Variants in ZMYM4 observed in about 807,000 individuals in gnomAD.
The protein encoded by ZMYM4 is zinc finger MYM-type protein 4.
A neutral mutation model predicts 183.2 loss-of-function variants in ZMYM4; 31 were observed. The observed-to-expected ratio is 0.17, with a 90% confidence interval of 0.13 to 0.23. The LOEUF (loss-of-function observed/expected upper bound fraction) is 0.23, where lower values mean the gene tolerates loss of function less well. Ranked by LOEUF, ZMYM4 falls within the 10% of genes least tolerant of loss-of-function variation. ZMYM4 has a pLI of 1.00. For synonymous variants in ZMYM4, 592 were observed against 631.2 expected (o/e 0.94, Z 0.93); for missense variants, 1,273 against 1,840.3 (o/e 0.69, Z 5.64).
At chr1:35,271,605 G>T (rs2148661589) in intron 1 of ZMYM4, among the ~76,000 whole-genome samples, 1 of 152,294 alleles carries the variant, frequency 6.6e-6, no homozygotes, top group African/African-American at 2.4e-5. Flanking sequence ...ATTTTGCCAT[G>T]TTGGCCAGGC....
chr1:35,318,082 A>G (rs504788), intron 1 of ZMYM4, among the ~76,000 whole-genome samples: 139,856 of 141,086 alleles, frequency 0.99, 69,334 homozygotes, highest in Non-Finnish European at 1. Flanking sequence ...TTTTTGAGAC[A>G]GAGTCTCACT....
At chr1:35,328,214 G>A (rs1332604929) in intron 2 of ZMYM4, among the ~76,000 whole-genome samples, 1 of 152,074 alleles carries the variant, frequency 6.6e-6, no homozygotes, top group Non-Finnish European at 1.5e-5. Flanking sequence ...TCTGGTACGT[G>A]GTGTTTCTCT....
intron 1 of ZMYM4, among the ~76,000 whole-genome samples, chr1:35,321,925 A>C (rs1368993391): frequency 6.6e-6 from 1 of 151,986 alleles, no homozygotes; most frequent in African/African-American, 2.4e-5. Context: ...GCCATATCAT[A>C]TGTATACAGA....
chr1:35,380,337 TA>T (rs1275741040), intron 7 of ZMYM4, among the ~76,000 whole-genome samples: 2 of 151,856 alleles, frequency 1.3e-5, no homozygotes, highest in African/African-American at 4.8e-5. Flanking sequence ...TTTATTTATT[TA>T]TTTTTTTGAG....
In ZMYM4 at chr1:35,388,977, T is replaced by C. The variant is rs61751000; in HGVS notation, c.2331T>C (p.Tyr777=). 0.017 allele frequency: 27,248 copies of C among 1,614,108 alleles called. 286 individuals are homozygous for C. Among genetic ancestry groups the C allele is most frequent in the Non-Finnish European group, 0.02 (24,072 of 1,179,988 alleles). Residue 777 remains tyrosine, a synonymous_variant, in exon 14 of 30, where the codon TAT becomes TAC. Transcript: ENST00000314607. ...GAAATCACTGTAAAATGTGCAGTTA[T>C]TGTTTACAGACATCTCCCAAATTGG... ...RWGNHCKMCS[Y]CLQTSPKLVQ...
intron 1 of ZMYM4, among the ~76,000 whole-genome samples, chr1:35,286,908 C>T (rs2148705606): frequency 6.8e-6 from 1 of 147,718 alleles, no homozygotes; most frequent in Non-Finnish European, 1.5e-5. Context: ...AGGTGTGAAC[C>T]ACCCTGCCTG....
At position 35,268,754 on chromosome 1, in the gene ZMYM4, G is replaced by T. The variant is rs1160234264; in HGVS notation, c.-293G>T. ...AAACCGCAGGCGGAGGAATTTCTCTGAGAGAAAATAATCCTACTCACGGGG... is the reference window on the plus strand; with the variant it reads ...AAACCGCAGGCGGAGGAATTTCTCTTAGAGAAAATAATCCTACTCACGGGG... On this transcript the variant is annotated 5_prime_UTR_variant, in exon 1 of 30. Coordinates refer to ENST00000314607, the MANE Select transcript of ZMYM4 (RefSeq NM_005095.3). 6.6e-6 allele frequency among the ~76,000 whole-genome samples: 1 copy of T among 152,342 alleles called. No individual in the cohort carries two copies. The highest frequency in any genetic ancestry group is 1.9e-4 in the East Asian group (1 of 5,174).
chr1:35,345,286 G>T (rs1359004078), intron 2 of ZMYM4, among the ~76,000 whole-genome samples: 1 of 152,140 alleles, frequency 6.6e-6, no homozygotes, highest in Admixed American at 6.6e-5. Context: ...TTTTTGTAAA[G>T]TTGTTAATCA....
intron 9 of ZMYM4, 21 bp from the exon 10 acceptor site, chr1:35,385,421 G>T: frequency 6.3e-7 from 1 of 1,592,378 alleles, no homozygotes; most frequent in Non-Finnish European, 8.5e-7. Flanking sequence ...AAAAATGAAT[G>T]TTGTTTTATT....
At chr1:35,334,824 T>C (rs1282672766) in intron 2 of ZMYM4, among the ~76,000 whole-genome samples, 1 of 152,222 alleles carries the variant, frequency 6.6e-6, no homozygotes. Flanking sequence ...TTGTGTCATC[T>C]TGAGCTAAAT....
chr1:35,361,147 G>A, intron 3 of ZMYM4, 47 bp from the exon 4 acceptor site: 1 of 1,486,392 alleles, frequency 6.7e-7, no homozygotes, highest in Non-Finnish European at 9.1e-7. Context: ...TGTAAGATTT[G>A]TTATTCATAT....
chr1:35,315,348 T>A (rs1056624385), intron 1 of ZMYM4, among the ~76,000 whole-genome samples: 3 of 152,186 alleles, frequency 2.0e-5, no homozygotes, highest in Non-Finnish European at 2.9e-5. Flanking sequence ...AAATGCAACT[T>A]AACTCCATTG....
chr1:35,311,407 A>G (rs1021830768), intron 1 of ZMYM4, among the ~76,000 whole-genome samples: 2 of 149,906 alleles, frequency 1.3e-5, no homozygotes, highest in Non-Finnish European at 3.0e-5. Flanking sequence ...CGGCAACAAG[A>G]GCAAAACTCT....
chr1:35,404,746 T>C (rs1422843071), intron 23 of ZMYM4: 4 of 233,938 alleles, frequency 1.7e-5, no homozygotes, highest in Non-Finnish European at 3.3e-5. Context: ...TCATACCTCA[T>C]CAGGTGAGTC....
intron 2 of ZMYM4, among the ~76,000 whole-genome samples, chr1:35,336,464 G>A (rs1191148831): frequency 6.6e-6 from 1 of 151,130 alleles, no homozygotes; most frequent in African/African-American, 2.4e-5. Context: ...TTGGCTCACT[G>A]CAACCTCCAC....
intron 7 of ZMYM4, among the ~76,000 whole-genome samples, chr1:35,379,482 C>T (rs1027799074): frequency 7.9e-5 from 12 of 152,340 alleles, no homozygotes; most frequent in East Asian, 5.8e-4. Context: ...TTGATCCGCC[C>T]GCCTCGGCCT....
intron 27 of ZMYM4, among the ~76,000 whole-genome samples, chr1:35,414,650 GCTCC>G (rs1260671874): frequency 6.6e-6 from 1 of 152,170 alleles, no homozygotes; most frequent in Non-Finnish European, 1.5e-5. Flanking sequence ...AATCTGGCCT[GCTCC>G]CTGTTTTGCA....
intron 13 of ZMYM4, among the ~76,000 whole-genome samples, chr1:35,387,872 T>C (rs780211026): frequency 5.3e-5 from 8 of 152,216 alleles, no homozygotes; most frequent in Non-Finnish European, 8.8e-5. Flanking sequence ...TTCCCCATTA[T>C]TAGGTTGATC....
intron 11 of ZMYM4, 65 bp downstream of exon 11, chr1:35,386,254 G>T (rs189614695): frequency 2.6e-6 from 3 of 1,175,886 alleles, no homozygotes; most frequent in Non-Finnish European, 3.7e-6. Context: ...GTCTGTTCTT[G>T]CACTCCTCTA....
Sources: allele counts gnomAD v4.1 joint callset (sites outside exome capture counted in the v4.1 genomes callset), GRCh38; gene constraint gnomAD v4.1.1; transcripts MANE v1.5; gene names NCBI Gene and HGNC (gene_info 2026-07-23, HGNC 2026-07-21).